KIAA1191: variants seen among roughly 807,000 people sequenced by gnomAD.
KIAA1191 encodes putative monooxygenase p33MONOX.
In KIAA1191, 22 loss-of-function variants were observed where a neutral mutation model predicts 31.1. The ratio of observed to expected loss-of-function variants is 0.71; its 90% CI spans 0.51 to 1.01. The LOEUF (loss-of-function observed/expected upper bound fraction) is 1.01, where lower values mean the gene tolerates loss of function less well. Ranked by LOEUF, KIAA1191 falls within the 50% of genes least tolerant of loss-of-function variation. The pLI is 0.00. For missense variants in KIAA1191, 319 were observed against 388.0 expected (o/e 0.82, Z 1.49); for synonymous variants, 130 against 143.9 (o/e 0.90, Z 0.69).
chr5:176,356,037 G>A (rs1167443307), intron 3 of KIAA1191: 7 of 347,828 alleles, frequency 2.0e-5, no homozygotes, highest in South Asian at 2.8e-5. Flanking sequence ...GCAGCGGCAC[G>A]ATCACGGCTC....
Position 176,352,698 on chromosome 5 carries a change from T to C in KIAA1191, c.258A>G (p.Ser86=), listed in dbSNP as rs1377082226. 2 of 1,613,798 alleles carry C rather than the reference T, an allele frequency of 1.2e-6. No homozygotes were observed. The highest frequency in any genetic ancestry group is 1.7e-6 in the Non-Finnish European group (2 of 1,179,718). Residue 86 remains serine, a synonymous_variant, in exon 5 of 9, where the codon TCA becomes TCG. Transcript: ENST00000298569. ...GGACCTTGTCCACACTGTCAATGGC[T>C]GATGACAGGGTCATGGCAGGGGAGG... ...SLPSPAMTLS[S]AIDSVDKVPV...
At chr5:176,350,812 T>G in intron 5 of KIAA1191, 75 bp from the exon 6 acceptor site, 2 of 1,556,716 alleles carry the variant, frequency 1.3e-6, no homozygotes, top group African/African-American at 1.4e-5. Flanking sequence ...CATGGATATC[T>G]ACTATTCTCC....
intron 5 of KIAA1191, among the ~76,000 whole-genome samples, chr5:176,351,531 G>A (rs1039330867): frequency 2.0e-5 from 3 of 151,804 alleles, no homozygotes; most frequent in African/African-American, 7.3e-5. Flanking sequence ...TGGCCTAGGC[G>A]GGCAGATCAC....
rs1378387357 is a variant in KIAA1191, at chr5:176,346,205, CA to C, written c.*1394del. 1 of 152,150 alleles carries C rather than the reference CA, an allele frequency of 6.6e-6. No individual in the cohort carries two copies. 9.4% of individuals were successfully genotyped at this position (152,150 alleles called of 1,614,324 possible). A position where few individuals can be genotyped will look rare whatever the true frequency, so the allele number is the denominator to read the frequency against. On this transcript the variant is annotated 3_prime_UTR_variant, in exon 9 of 9. Transcript: ENST00000298569. Reference sequence around the variant, plus strand: ...TATACAGACAAGGTACTATCCAAAACAAAAAGCAGGTATTTGAGACAGTGTT... The same window carrying C: ...TATACAGACAAGGTACTATCCAAAACAAAAGCAGGTATTTGAGACAGTGTT...
At chr5:176,358,006 CCAT>C (rs1767652814) in intron 3 of KIAA1191, among the ~76,000 whole-genome samples, 1 of 151,942 alleles carries the variant, frequency 6.6e-6, no homozygotes, top group Non-Finnish European at 1.5e-5. Context: ...GAGATAGGAA[CCAT>C]CATCTTTCTT....
intron 6 of KIAA1191, 130 bp from the exon 7 acceptor site, chr5:176,348,486 G>C (rs1202216339): frequency 3.1e-6 from 2 of 646,090 alleles, no homozygotes; most frequent in South Asian, 1.9e-5. Context: ...GAATGATTTC[G>C]GATGATCTAA....
At chr5:176,352,847 A>T in intron 4 of KIAA1191, 99 bp from the exon 5 acceptor site, 2 of 1,302,506 alleles carry the variant, frequency 1.5e-6, no homozygotes, top group Non-Finnish European at 2.1e-6. Flanking sequence ...AAATAACATT[A>T]ATCTGGTAAG....
Position 176,348,252 on chromosome 5 carries a change from G to C in KIAA1191, c.564C>G (p.Pro188=), listed in dbSNP as rs1766691129. Residue 188 remains proline, a splice_region_variant and synonymous_variant, in exon 7 of 9, where the codon CCC becomes CCG. Transcript: ENST00000298569. The part of the protein sequence containing the change: ...TTPHSSPKQR[P]RGWFTSGSST... ...GAAGGGTCACAGGAAGGGCTCACCT[G>C]GGCCTCTGCTTAGGTGAAGAGTGCG... 6.2e-7 allele frequency: 1 copy of C among 1,612,930 alleles called. No individual in the cohort carries two copies. Among genetic ancestry groups the C allele is most frequent in the Middle Eastern group, 1.7e-4 (1 of 6,054 alleles).
intron 5 of KIAA1191, 79 bp downstream of exon 5, chr5:176,352,540 TATC>T: frequency 6.7e-7 from 1 of 1,501,360 alleles, no homozygotes. Flanking sequence ...CGTGTTGCAG[TATC>T]ATCTCCAATC....
Position 176,347,995 on chromosome 5 carries a change from C to T in KIAA1191, c.635G>A (p.Ser212Asn), listed in dbSNP as rs150958471. 3.7e-6 allele frequency: 6 copies of T among 1,614,148 alleles called. No homozygotes were observed. Among genetic ancestry groups the T allele is most frequent in the Admixed American group, 3.3e-5 (2 of 60,020 alleles). ...TGACAAGTTTCTGTCCTTATCCCCA[C>T]TTCCAGAGTCCATGGTGCTAGGATT... ...GPNPSTMDSG[S>N]GDKDRNLSDK... The change falls in exon 8 of 9, where the codon AGT becomes AAT. Residue 212 changes from serine (S) to asparagine (N), a missense_variant. Coordinates refer to ENST00000298569, the MANE Select transcript of KIAA1191 (RefSeq NM_020444.5).
intron 3 of KIAA1191, among the ~76,000 whole-genome samples, chr5:176,357,597 G>A (rs1432742728): frequency 3.9e-5 from 6 of 151,974 alleles, no homozygotes; most frequent in African/African-American, 1.5e-4. Context: ...GAAAGAGTGT[G>A]CTGGGAACTG....
intron 3 of KIAA1191, among the ~76,000 whole-genome samples, chr5:176,357,697 C>CTACACGGAGTT (rs1458480939): frequency 6.6e-6 from 1 of 152,126 alleles, no homozygotes; most frequent in Non-Finnish European, 1.5e-5. Context: ...CTCGCGACGG[C>CTACACGGAGTT]TACACGGAGT....
intron 5 of KIAA1191, among the ~76,000 whole-genome samples, chr5:176,351,389 T>C (rs2113473064): frequency 6.6e-6 from 1 of 152,130 alleles, no homozygotes; most frequent in South Asian, 2.1e-4. Context: ...TGAATAAGTT[T>C]TGTAACACTG....
chr5:176,350,248 T>C (rs533800928), intron 6 of KIAA1191, among the ~76,000 whole-genome samples: 4 of 152,368 alleles, frequency 2.6e-5, no homozygotes, highest in South Asian at 4.1e-4. Flanking sequence ...TCTTCACTTA[T>C]AGAAATGAAA....
Position 176,346,958 on chromosome 5 carries a change from C to T in KIAA1191, c.*642G>A, listed in dbSNP as rs1286951773. Reference sequence around the variant, plus strand: ...GATAGTGGTAAAGGAATAAAGAAGCCTGGGTTTTGGAACAGTACAAACATT... The same window carrying T: ...GATAGTGGTAAAGGAATAAAGAAGCTTGGGTTTTGGAACAGTACAAACATT... On this transcript the variant is annotated 3_prime_UTR_variant, in exon 9 of 9. Coordinates refer to ENST00000298569, the MANE Select transcript of KIAA1191 (RefSeq NM_020444.5). 6.6e-6 allele frequency: 1 copy of T among 152,138 alleles called. No individual in the cohort carries two copies. The highest frequency in any genetic ancestry group is 2.4e-5 in the African/African-American group (1 of 41,434). The allele number at this position is 152,138 out of a possible 1,614,324, so 9.4% of individuals were successfully genotyped here.
chr5:176,360,318 G>A (rs1034463911), intron 1 of KIAA1191, among the ~76,000 whole-genome samples: 2 of 151,742 alleles, frequency 1.3e-5, no homozygotes, highest in South Asian at 4.2e-4. Context: ...CACCACGCCT[G>A]GCTAATTTTT....
Position 176,347,674 on chromosome 5 carries a change from C to T in KIAA1191, c.844G>A (p.Gly282Arg). 6.3e-7 allele frequency: 1 copy of T among 1,582,930 alleles called. No homozygotes were observed. Among genetic ancestry groups the T allele is most frequent in the East Asian group, 2.2e-5 (1 of 44,682 alleles). ...PPKMDIPVME[G>R]KKQPPRAHNL... ...TGGGCCCGTGGTGGCTGTTTCTTTC[C>T]TTCCATCACTGGGATGTCCATCTTG... The change falls in exon 9 of 9, where the codon GGA becomes AGA. Residue 282 changes from glycine (G) to arginine (R), a missense_variant. Physicochemically the swap from Gly to Arg is moderately radical, Grantham distance 125. Coordinates refer to ENST00000298569, the MANE Select transcript of KIAA1191 (RefSeq NM_020444.5).
intron 8 of KIAA1191, 32 bp downstream of exon 8, chr5:176,347,889 T>C: frequency 6.2e-7 from 1 of 1,613,882 alleles, no homozygotes; most frequent in Non-Finnish European, 8.5e-7. Context: ...ATGTCTGCCA[T>C]GCTGCTCTCT....
chr5:176,359,824 TGTG>T lies in KIAA1191; in HGVS notation c.-76_-74del. The T allele has an allele frequency of 3.7e-6, 1 of 271,352 alleles. No homozygotes were observed. The highest frequency in any genetic ancestry group is 7.4e-6 in the Non-Finnish European group (1 of 135,654). 16.8% of individuals were successfully genotyped at this position (271,352 alleles called of 1,614,324 possible). On this transcript the variant is annotated 5_prime_UTR_variant, in exon 2 of 9. Transcript: ENST00000298569. ...AAGTCACCTTACCACAGTGAAATGA[TGTG>T]ATGACTAAGCGGACAGACAGATGTT...
Sources: allele counts gnomAD v4.1 joint callset (sites outside exome capture counted in the v4.1 genomes callset), GRCh38; gene constraint gnomAD v4.1.1; transcripts MANE v1.5; gene names NCBI Gene and HGNC (gene_info 2026-07-23, HGNC 2026-07-21).